Variants in LRP4 observed in about 807,000 individuals in gnomAD.
The protein encoded by LRP4 is low-density lipoprotein receptor-related protein 4.
A neutral mutation model predicts 220.3 loss-of-function variants in LRP4; 95 were observed. That is an observed-to-expected ratio of 0.43 (90% CI 0.37 to 0.51). The LOEUF is 0.51. LRP4 is among the 20% of genes least tolerant of loss of function. LRP4 has a pLI of 0.00. For synonymous variants in LRP4, 903 were observed against 954.6 expected (o/e 0.95, Z 1.00); for missense variants, 1,925 against 2,567.0 (o/e 0.75, Z 5.40).
intron 1 of LRP4, among the ~76,000 whole-genome samples, chr11:46,915,566 T>C (rs1032590594): frequency 6.6e-6 from 1 of 152,144 alleles, no homozygotes; most frequent in African/African-American, 2.4e-5. Flanking sequence ...TTTATTAAGA[T>C]AGAGTCTCAC....
intron 2 of LRP4, among the ~76,000 whole-genome samples, chr11:46,900,886 A>G (rs1310233708): frequency 1.3e-5 from 2 of 151,580 alleles, no homozygotes; most frequent in Non-Finnish European, 2.9e-5. Flanking sequence ...TCCTGGGTTC[A>G]AGGAATTCTC....
intron 3 of LRP4, 113 bp from the exon 4 acceptor site, chr11:46,900,089 C>T (rs1941634168): frequency 7.9e-6 from 8 of 1,018,992 alleles, no homozygotes; most frequent in South Asian, 1.3e-5. Flanking sequence ...CTGAGGGCTC[C>T]GAAGGAGGTG....
chr11:46,904,515 G>A (rs931017636), intron 1 of LRP4, among the ~76,000 whole-genome samples: 15 of 137,526 alleles, frequency 1.1e-4, no homozygotes, highest in Non-Finnish European at 2.0e-4. Context: ...ACAGACGGAT[G>A]GATGGATGGA....
rs1940910659 is a variant in LRP4, at chr11:46,873,021, A to AT, written c.4583+78dup. The AT allele has an allele frequency of 6.3e-7, 1 of 1,585,484 alleles. No individual in the cohort carries two copies. Among genetic ancestry groups the AT allele is most frequent in the Non-Finnish European group, 8.7e-7 (1 of 1,155,480 alleles). On this transcript the variant is annotated intron_variant, in intron 30 of 37. Transcript: ENST00000378623. This position sits in a 1 kb window ranked among gnomAD's most constrained non-coding sequence, Gnocchi z 4.2. ...ATACCAAGAAGCTTTCTATCTTTTC[A>AT]TTTTTCCAAGGTTAATCTCAACCAT... is the stretch of plus-strand genomic sequence containing the variant.
chr11:46,896,882 G>A lies in LRP4; in HGVS notation c.909C>T (p.Asn303=). The change falls in exon 8 of 38, where the codon AAC becomes AAT. Residue 303 remains asparagine, a synonymous_variant. Transcript: ENST00000378623. ...GGGAGACACCACCTGTATTCTCACAGTTCTCTTCATCGCTGTTGTCTGCAC... is the reference window on the plus strand; with the variant it reads ...GGGAGACACCACCTGTATTCTCACAATTCTCTTCATCGCTGTTGTCTGCAC... The part of the protein sequence containing the change: ...DDCADNSDEE[N]CENTGSPQCA... 1 of 1,614,220 alleles carries A rather than the reference G, an allele frequency of 6.2e-7. No individual in the cohort carries two copies. Among genetic ancestry groups the A allele is most frequent in the African/African-American group, 1.3e-5 (1 of 75,068 alleles).
Position 46,868,585 on chromosome 11 carries a change from T to C in LRP4, c.4951+15A>G, listed in dbSNP as rs1358715539. The C allele has an allele frequency of 6.3e-7, 1 of 1,586,404 alleles. No homozygotes were observed. The highest frequency in any genetic ancestry group is 8.7e-7 in the Non-Finnish European group (1 of 1,154,408). ...GGGCTCTGCCGAGTGGCTCCAGCCATACAGTCCAACTCACCAAGGGAGCAG... is the reference window on the plus strand; with the variant it reads ...GGGCTCTGCCGAGTGGCTCCAGCCACACAGTCCAACTCACCAAGGGAGCAG... On this transcript the variant is annotated intron_variant, in intron 33 of 37. Coordinates refer to ENST00000378623, the MANE Select transcript of LRP4 (RefSeq NM_002334.4).
At chr11:46,888,825 ATTC>A (rs768516520) in intron 16 of LRP4, among the ~76,000 whole-genome samples, 1 of 152,102 alleles carries the variant, frequency 6.6e-6, no homozygotes, top group Non-Finnish European at 1.5e-5. Flanking sequence ...TCTCTGGACT[ATTC>A]TTAGAAAAAG....
At chr11:46,866,907 CAG>C (rs1319509539) in intron 34 of LRP4, among the ~76,000 whole-genome samples, 1 of 150,940 alleles carries the variant, frequency 6.6e-6, no homozygotes, top group Non-Finnish European at 1.5e-5. Flanking sequence ...GCCTGGGTGA[CAG>C]AGTGAGATCC....
In LRP4 at chr11:46,859,223, G is replaced by A. The variant is rs755407622; in HGVS notation, c.5478C>T (p.Leu1826=). 1.2e-6 allele frequency: 2 copies of A among 1,614,128 alleles called. No homozygotes were observed. The highest frequency in any genetic ancestry group is 3.3e-5 in the Admixed American group (2 of 60,024). Reference sequence around the variant, plus strand: ...CCCCCCGTGAGCTTCGCAGTTGCTTGAGGTCATCCCACTCAGCATCATCCC... The same window carrying A: ...CCCCCCGTGAGCTTCGCAGTTGCTTAAGGTCATCCCACTCAGCATCATCCC... ...LSGDDAEWDD[L]KQLRSSRGGL... The change falls in exon 38 of 38, where the codon CTC becomes CTT. Residue 1826 remains leucine (L), a synonymous_variant. Coordinates refer to ENST00000378623, the MANE Select transcript of LRP4 (RefSeq NM_002334.4).
At chr11:46,908,787 C>T (rs932893913) in intron 1 of LRP4, among the ~76,000 whole-genome samples, 1 of 152,210 alleles carries the variant, frequency 6.6e-6, no homozygotes, top group Non-Finnish European at 1.5e-5. Flanking sequence ...AATCAGCACT[C>T]GAGTGTTGTT....
At chr11:46,895,741 A>T (rs1941514042) in intron 10 of LRP4, 143 bp downstream of exon 10, 2 of 1,181,966 alleles carry the variant, frequency 1.7e-6, no homozygotes, top group Non-Finnish European at 2.5e-6. Flanking sequence ...TGAAATGGGA[A>T]GGATGATCCC....
At position 46,886,546 on chromosome 11, in the gene LRP4, C is replaced by T. The variant is rs376073181; in HGVS notation, c.2216-13G>A. 11 of 1,609,128 alleles carry T rather than the reference C, an allele frequency of 6.8e-6. No individual in the cohort carries two copies. The highest frequency in any genetic ancestry group is 1.1e-5 in the South Asian group (1 of 90,844). ...AACTTGTCAAGACCTGATCAAAGGC[C>T]GAAAGGGGTCTTCTTTTAATGCTCT... On this transcript the variant is annotated splice_polypyrimidine_tract_variant and intron_variant, in intron 16 of 37. Transcript: ENST00000378623.
intron 31 of LRP4, among the ~76,000 whole-genome samples, chr11:46,870,766 T>C (rs897382581): frequency 5.9e-5 from 9 of 152,222 alleles, no homozygotes; most frequent in African/African-American, 1.7e-4. Context: ...TCAGGCTTGG[T>C]AGATCTTCTT....
At chr11:46,913,658 A>G (rs1211151310) in intron 1 of LRP4, among the ~76,000 whole-genome samples, 1 of 152,150 alleles carries the variant, frequency 6.6e-6, no homozygotes, top group Non-Finnish European at 1.5e-5. Flanking sequence ...TCCAGCTACA[A>G]GAGTCCCTGG....
chr11:46,874,768 G>C (rs1940964032), intron 28 of LRP4, 32 bp downstream of exon 28: 1 of 1,601,352 alleles, frequency 6.2e-7, no homozygotes, highest in Non-Finnish European at 8.6e-7. Flanking sequence ...AAGCAAATCT[G>C]TGTCTTCTGG....
In LRP4 at chr11:46,899,057, G is replaced by A. The variant is rs973849969; in HGVS notation, c.548-25C>T. The A allele has an allele frequency of 6.2e-7, 1 of 1,605,650 alleles. No individual in the cohort carries two copies. Among genetic ancestry groups the A allele is most frequent in the Non-Finnish European group, 8.5e-7 (1 of 1,174,674 alleles). On this transcript the variant is annotated intron_variant, in intron 5 of 37. Coordinates refer to ENST00000378623, the MANE Select transcript of LRP4 (RefSeq NM_002334.4). The surrounding 1 kb of genome is among the most constrained non-coding windows in gnomAD (Gnocchi z 5.9). ...GCTGGAGGGAAGGCAGGGGTGGGGAGGGGCACACACTCAGGCCTGGATGAA... is the reference window on the plus strand; with the variant it reads ...GCTGGAGGGAAGGCAGGGGTGGGGAAGGGCACACACTCAGGCCTGGATGAA...
At position 46,903,978 on chromosome 11, in the gene LRP4, C is replaced by T. The variant is rs185758329; in HGVS notation, c.53-1049G>A. 7.0e-4 allele frequency among the ~76,000 whole-genome samples: 106 copies of T among 152,278 alleles called. 1 individual carries two copies. Among genetic ancestry groups the T allele is most frequent in the African/African-American group, 2.4e-3 (101 of 41,556 alleles). ...ACCAGCTGCTGTGCCCCCTCCCCAGCGTGCCCAGCAGGATGCCCTGGGATG... is the reference window on the plus strand; with the variant it reads ...ACCAGCTGCTGTGCCCCCTCCCCAGTGTGCCCAGCAGGATGCCCTGGGATG... On this transcript the variant is annotated intron_variant, in intron 1 of 37. Transcript: ENST00000378623.
intron 1 of LRP4, among the ~76,000 whole-genome samples, chr11:46,914,123 G>A (rs1941911988): frequency 6.6e-6 from 1 of 151,982 alleles, no homozygotes; most frequent in South Asian, 2.1e-4. Context: ...GCTCTGTGCT[G>A]CATAGTTTGA....
At chr11:46,907,417 A>G (rs1244389402) in intron 1 of LRP4, among the ~76,000 whole-genome samples, 3 of 152,224 alleles carry the variant, frequency 2.0e-5, no homozygotes, top group Non-Finnish European at 4.4e-5. Context: ...CCGCCATCTT[A>G]CCACTTTCTC....
Sources: gnomAD v4.1 joint callset for allele counts (sites outside exome capture counted in the v4.1 genomes callset) on GRCh38, gnomAD v4.1.1 for gene constraint, Gnocchi (gnomAD v3.1) non-coding constraint, MANE v1.5 for transcripts, NCBI Gene and HGNC (gene_info 2026-07-23, HGNC 2026-07-21) for gene names.